Variants in CCDC25 observed in about 807,000 individuals in gnomAD.
CCDC25 encodes the protein coiled-coil domain containing 25, also known as coiled-coil domain-containing protein 25.
A neutral mutation model predicts 35.3 loss-of-function variants in CCDC25; 16 were observed. That is an observed-to-expected ratio of 0.45 (90% confidence interval 0.31 to 0.69). CCDC25 has a LOEUF of 0.69. CCDC25 is among the 30% of genes least tolerant of loss of function. The pLI, the probability that CCDC25 is intolerant of heterozygous loss-of-function variation, is 0.06. For missense variants in CCDC25, 179 were observed against 250.7 expected, an observed-to-expected ratio of 0.71 and a Z score of 1.93; for synonymous variants, 79 against 80.3, an observed-to-expected ratio of 0.98 and a Z score of 0.09.
At chr8:27,772,128 T>C (rs1445940100) in intron 1 of CCDC25, 1 of 252,408 alleles carries the variant, frequency 4.0e-6, no homozygotes, top group Non-Finnish European at 7.7e-6. Context: ...TCACAGGGGA[T>C]AATTACAAGG....
At chr8:27,772,176 A>G in intron 1 of CCDC25, 1 of 414,486 alleles carries the variant, frequency 2.4e-6, no homozygotes. Context: ...GAAGGTGGGA[A>G]GAAGACTTGG....
Position 27,756,699 on chromosome 8 carries a change from C to A in CCDC25, c.168+20G>T. On this transcript the variant is annotated intron_variant, in intron 4 of 8. Coordinates refer to ENST00000356537, the MANE Select transcript of CCDC25 (RefSeq NM_018246.3). ...CATCATCAGGAGAAAAGTCAAGAAT[C>A]CATGTTTAAATTCAGTTACCTTATG... 6.4e-7 allele frequency: 1 copy of A among 1,572,126 alleles called. No homozygotes were observed. The highest frequency in any genetic ancestry group is 8.8e-7 in the Non-Finnish European group (1 of 1,141,890).
chr8:27,772,191 A>G, intron 1 of CCDC25: 2 of 460,776 alleles, frequency 4.3e-6, no homozygotes, highest in South Asian at 6.1e-5. Flanking sequence ...ACTTGGGATA[A>G]GGTGTGTGGA....
chr8:27,760,016 C>A (rs1486599450), intron 3 of CCDC25, among the ~76,000 whole-genome samples: 2 of 151,908 alleles, frequency 1.3e-5, no homozygotes, highest in Non-Finnish European at 2.9e-5. Context: ...AAATTGACAG[C>A]TGGAATGGGT....
chr8:27,763,616 G>T (rs191249549), intron 2 of CCDC25, among the ~76,000 whole-genome samples: 149 of 152,288 alleles, frequency 9.8e-4, no homozygotes, highest in Middle Eastern at 3.4e-3. Context: ...CACTCGGGAG[G>T]CTGAGGTGGG....
chr8:27,757,956 C>T (rs553091908), intron 3 of CCDC25, among the ~76,000 whole-genome samples: 5 of 152,222 alleles, frequency 3.3e-5, no homozygotes, highest in Non-Finnish European at 5.9e-5. Context: ...CCATGTAAGC[C>T]GCCTCGCTTC....
Position 27,771,021 on chromosome 8 carries a change from G to A in CCDC25, c.28+1492C>T, listed in dbSNP as rs376562527. On this transcript the variant is annotated intron_variant, in intron 1 of 8. Coordinates refer to ENST00000356537, the MANE Select transcript of CCDC25 (RefSeq NM_018246.3). ...GGACTTGCCACATAATGATGCTTTG[G>A]TCAGCAACAAACCACACATACTATG... is the stretch of plus-strand genomic sequence containing the variant. 5.3e-5 allele frequency among the ~76,000 whole-genome samples: 8 copies of A among 152,142 alleles called. No individual in the cohort carries two copies. In the East Asian group the frequency reaches 1.2e-3, roughly 22 times the overall value.
chr8:27,744,358 C>T (rs1803536607), intron 7 of CCDC25, among the ~76,000 whole-genome samples: 1 of 152,144 alleles, frequency 6.6e-6, no homozygotes. Context: ...TCTGTCACCT[C>T]TAAGGGGAGG....
intron 1 of CCDC25, 99 bp downstream of exon 1, chr8:27,772,414 G>A (rs1394594228): frequency 2.5e-6 from 3 of 1,215,938 alleles, no homozygotes; most frequent in South Asian, 2.6e-5. Context: ...GCATCCAGAA[G>A]GCATTTTAGA....
intron 5 of CCDC25, among the ~76,000 whole-genome samples, chr8:27,751,283 A>G (rs1803795547): frequency 6.6e-6 from 1 of 152,232 alleles, no homozygotes; most frequent in Non-Finnish European, 1.5e-5. Context: ...GATTGTTTCA[A>G]TTCTTCTTGT....
intron 3 of CCDC25, among the ~76,000 whole-genome samples, chr8:27,759,549 C>T (rs978104126): frequency 6.9e-6 from 1 of 144,448 alleles, no homozygotes; most frequent in Non-Finnish European, 1.5e-5. Context: ...GTGGAGGTTA[C>T]ATTGGGCTAA....
intron 7 of CCDC25, among the ~76,000 whole-genome samples, chr8:27,743,691 T>TTA (rs1803512354): frequency 6.6e-6 from 1 of 152,122 alleles, no homozygotes; most frequent in Non-Finnish European, 1.5e-5. Flanking sequence ...CTCAGGGGTT[T>TTA]GAGATTAGCC....
intron 2 of CCDC25, among the ~76,000 whole-genome samples, chr8:27,763,997 C>T (rs1361185872): frequency 6.6e-6 from 1 of 152,146 alleles, no homozygotes; most frequent in Admixed American, 6.5e-5. Context: ...CTCAGTCAGG[C>T]AAAGTTTGGC....
intron 4 of CCDC25, among the ~76,000 whole-genome samples, chr8:27,755,172 G>A (rs1346986167): frequency 6.6e-6 from 1 of 152,176 alleles, no homozygotes; most frequent in Non-Finnish European, 1.5e-5. Context: ...AAGAACCAGG[G>A]TTCCTTGGAG....
chr8:27,756,615 C>T (rs888838295), intron 4 of CCDC25, 104 bp downstream of exon 4: 14 of 753,356 alleles, frequency 1.9e-5, no homozygotes, highest in Middle Eastern at 3.3e-4. Context: ...TTTAGATTTG[C>T]GTACCAACTT....
At chr8:27,756,944 T>C (rs990836438) in intron 3 of CCDC25, among the ~76,000 whole-genome samples, 174 bp from the exon 4 acceptor site, 1 of 152,070 alleles carries the variant, frequency 6.6e-6, no homozygotes, top group African/African-American at 2.4e-5. Flanking sequence ...CCCATCACCA[T>C]GAAGAGGTAC....
intron 6 of CCDC25, 62 bp downstream of exon 6, chr8:27,748,433 A>G (rs1803679165): frequency 7.2e-7 from 1 of 1,390,114 alleles, no homozygotes; most frequent in Non-Finnish European, 1.0e-6. Flanking sequence ...GTCAGACAGA[A>G]AAGATAGGAT....
In CCDC25 at chr8:27,735,843, GAA is replaced by G. The variant is rs1192810014; in HGVS notation, c.*371_*372del. Reference sequence around the variant, plus strand: ...GAAGTGAAGATTATTTTAAGAATATGAAAAGTGTTTCAAGACATCTGTTTTCA... The same window carrying G: ...GAAGTGAAGATTATTTTAAGAATATGAAGTGTTTCAAGACATCTGTTTTCA... On this transcript the variant is annotated 3_prime_UTR_variant, in exon 9 of 9. Coordinates refer to ENST00000356537, the MANE Select transcript of CCDC25 (RefSeq NM_018246.3). 1.8e-5 allele frequency: 3 copies of G among 168,996 alleles called. No individual in the cohort carries two copies. Among genetic ancestry groups the G allele is most frequent in the Non-Finnish European group, 3.8e-5 (3 of 79,700 alleles). 10.5% of individuals were successfully genotyped at this position (168,996 alleles called of 1,614,324 possible). A position where few individuals can be genotyped will look rare whatever the true frequency, so the allele number is the denominator to read the frequency against.
intron 5 of CCDC25, among the ~76,000 whole-genome samples, chr8:27,750,744 A>C (rs1024667667): frequency 1.3e-5 from 2 of 152,222 alleles, no homozygotes; most frequent in Non-Finnish European, 2.9e-5. Flanking sequence ...AACTTCTAAA[A>C]GTTTAATCTG....
Sources: gnomAD v4.1 joint callset for allele counts (sites outside exome capture counted in the v4.1 genomes callset) on GRCh38, gnomAD v4.1.1 for gene constraint, MANE v1.5 for transcripts, NCBI Gene and HGNC (gene_info 2026-07-23, HGNC 2026-07-21) for gene names.